ZKSCAN3: variants seen among roughly 807,000 people sequenced by gnomAD.
ZKSCAN3 encodes zinc finger protein with KRAB and SCAN domains 3.
A neutral mutation model predicts 30.7 loss-of-function variants in ZKSCAN3; 21 were observed. The ratio of observed to expected loss-of-function variants is 0.68; its 90% CI spans 0.49 to 0.99. The LOEUF (loss-of-function observed/expected upper bound fraction) is 0.99, where lower values mean the gene tolerates loss of function less well. Among genes scored for constraint, ZKSCAN3 ranks in the 50% least tolerant of loss-of-function variants. The probability of loss-of-function intolerance (pLI) is 0.00; values close to 1 mark genes in which losing one functional copy is unlikely to be tolerated. For missense variants in ZKSCAN3, 507 were observed against 647.1 expected (o/e 0.78, Z 2.35); for synonymous variants, 201 against 246.7 (o/e 0.81, Z 1.73).
intron 1 of ZKSCAN3, among the ~76,000 whole-genome samples, chr6:28,353,161 G>T (rs1765172721): frequency 1.3e-5 from 2 of 151,940 alleles, no homozygotes; most frequent in African/African-American, 4.8e-5. Context: ...TAGAGACGGG[G>T]TTTCACCATG....
In ZKSCAN3 at chr6:28,366,360, A is replaced by G; in HGVS notation, c.*75A>G. Reference sequence around the variant, plus strand: ...CCACTCCCCCTGGAGTCTCAACTATAGAAATTGTGGGCTGGGCTTTATTTA... The same window carrying G: ...CCACTCCCCCTGGAGTCTCAACTATGGAAATTGTGGGCTGGGCTTTATTTA... On this transcript the variant is annotated 3_prime_UTR_variant, in exon 6 of 6. Coordinates refer to ENST00000252211, the MANE Select transcript of ZKSCAN3 (RefSeq NM_024493.4). 1 of 1,442,106 alleles carries G rather than the reference A, an allele frequency of 6.9e-7. No homozygotes were observed. Among genetic ancestry groups the G allele is most frequent in the Non-Finnish European group, 9.1e-7 (1 of 1,094,000 alleles). The allele number at this position is 1,442,106 out of a possible 1,614,324, so 89.3% of individuals were successfully genotyped here.
intron 4 of ZKSCAN3, 137 bp downstream of exon 4, chr6:28,363,522 A>T: frequency 7.9e-7 from 1 of 1,273,450 alleles, no homozygotes; most frequent in South Asian, 1.4e-5. Flanking sequence ...GCATTTTCTC[A>T]TCTATCTCGA....
intron 5 of ZKSCAN3, 100 bp from the exon 6 acceptor site, chr6:28,365,326 A>G (rs1226230201): frequency 6.8e-7 from 1 of 1,469,612 alleles, no homozygotes; most frequent in Non-Finnish European, 9.2e-7. Context: ...TCCTCATCCC[A>G]GGCATTTATA....
chr6:28,365,509 C>T lies in ZKSCAN3; in HGVS notation c.841C>T (p.Leu281=), dbSNP rs1206429292. Residue 281 remains leucine, a synonymous_variant, in exon 6 of 6, where the codon CTG becomes TTG. Coordinates refer to ENST00000252211, the MANE Select transcript of ZKSCAN3 (RefSeq NM_024493.4). Reference sequence around the variant, plus strand: ...GGAGCATGGGAAGATATCGTGCCACCTGAGAGAAGACATTGCCCAGATTCC... The same window carrying T: ...GGAGCATGGGAAGATATCGTGCCACTTGAGAGAAGACATTGCCCAGATTCC... ...EKEHGKISCH[L]REDIAQIPTC... The T allele has an allele frequency of 6.2e-7, 1 of 1,614,240 alleles. No individual in the cohort carries two copies. Among genetic ancestry groups the T allele is most frequent in the South Asian group, 1.1e-5 (1 of 91,084 alleles).
At chr6:28,353,843 A>G (rs1161019132) in intron 1 of ZKSCAN3, 4 of 457,066 alleles carry the variant, frequency 8.8e-6, no homozygotes, top group Non-Finnish European at 1.8e-5. Context: ...CTATTAGCCA[A>G]CATGTATATG....
Position 28,361,341 on chromosome 6 carries a change from G to A in ZKSCAN3, c.420G>A (p.Gln140=), listed in dbSNP as rs772623145. 1.2e-6 allele frequency: 2 copies of A among 1,612,550 alleles called. No individual in the cohort carries two copies. Among genetic ancestry groups the A allele is most frequent in the East Asian group, 4.5e-5 (2 of 44,864 alleles). ...ATTTCTAGGTTTCAGGTGTTGACCA[G>A]GGGCAAGAACTGCTCTGTTGCAAGA... is the stretch of plus-strand genomic sequence containing the variant. ...EPAPQVSGVD[Q]GQELLCCKMA... is the part of the protein sequence containing the mutation. Residue 140 remains glutamine (Q), a synonymous_variant, in exon 3 of 6, where the codon CAG becomes CAA. Transcript: ENST00000252211.
At position 28,363,704 on chromosome 6, in the gene ZKSCAN3, G is replaced by A. The variant is rs1267520316; in HGVS notation, c.646G>A (p.Val216Met). Reference protein sequence around the residue: ...LTPESQGLLKVEDVALTLTPE... With the variant: ...LTPESQGLLKMEDVALTLTPE... Reference sequence around the variant, plus strand: ...CCTATTGTTTTAGGGGTTGTTGAAAGTGGAAGATGTGGCCCTGACCCTCAC... The same window carrying A: ...CCTATTGTTTTAGGGGTTGTTGAAAATGGAAGATGTGGCCCTGACCCTCAC... Residue 216 changes from valine (V) to methionine (M), a missense_variant, in exon 5 of 6, where the codon GTG becomes ATG. By Grantham distance (21) the Val-to-Met change is conservative. Transcript: ENST00000252211. 1.2e-6 allele frequency: 2 copies of A among 1,613,980 alleles called. No homozygotes were observed. The highest frequency in any genetic ancestry group is 2.7e-5 in the African/African-American group (2 of 74,928).
At chr6:28,360,152 T>A in intron 2 of ZKSCAN3, 164 bp downstream of exon 2, 1 of 1,290,846 alleles carries the variant, frequency 7.7e-7, no homozygotes, top group Non-Finnish European at 1.1e-6. Flanking sequence ...CTTCTCAGAA[T>A]AATTTTTTTT....
Position 28,366,253 on chromosome 6 carries a change from A to G in ZKSCAN3, c.1585A>G (p.Ser529Gly). The G allele has an allele frequency of 6.5e-7, 1 of 1,542,966 alleles. No homozygotes were observed. The highest frequency in any genetic ancestry group is 8.7e-7 in the Non-Finnish European group (1 of 1,150,038). ...RISYLVQHQR[S>G]HVGKNILSQ ...TTCATACCTTGTTCAACATCAGAGA[A>G]GCCATGTAGGGAAAAACATCCTATC... The change falls in exon 6 of 6, where the codon AGC (serine) becomes GGC (glycine). Residue 529 changes from serine to glycine, a missense_variant. Physicochemically the swap from Ser to Gly is moderately conservative, Grantham distance 56. Transcript: ENST00000252211.
At position 28,366,027 on chromosome 6, in the gene ZKSCAN3, T is replaced by C; in HGVS notation, c.1359T>C (p.Asn453=). The change falls in exon 6 of 6, where the codon AAT becomes AAC. Residue 453 remains asparagine (N), a synonymous_variant. Transcript: ENST00000252211. ...AGAGGATCCATACTGGGGATAAAAA[T>C]GTTCAGGAACCTGAGCAGGGAGAGG... ...RHQRIHTGDK[N]VQEPEQGEAW... The C allele has an allele frequency of 1.9e-6, 3 of 1,612,516 alleles. No individual in the cohort carries two copies. Among genetic ancestry groups the C allele is most frequent in the Middle Eastern group, 3.3e-4 (2 of 6,034 alleles).
chr6:28,364,364 G>A (rs13214023), intron 5 of ZKSCAN3, among the ~76,000 whole-genome samples: 7,691 of 152,240 alleles, frequency 0.051, 316 homozygotes, highest in Non-Finnish European at 0.088. Context: ...ATACAACCCC[G>A]AGTACAGGTC....
At chr6:28,357,425 C>T (rs1483185342) in intron 1 of ZKSCAN3, among the ~76,000 whole-genome samples, 1 of 152,164 alleles carries the variant, frequency 6.6e-6, no homozygotes, top group East Asian at 1.9e-4. Context: ...AACACTTAAC[C>T]AGATTATGAT....
intron 4 of ZKSCAN3, 88 bp downstream of exon 4, chr6:28,363,473 CCA>C: frequency 7.3e-7 from 1 of 1,376,748 alleles, no homozygotes; most frequent in Non-Finnish European, 1.0e-6. Context: ...CCCCTCCACC[CCA>C]ATCCTAGATC....
intron 3 of ZKSCAN3, among the ~76,000 whole-genome samples, chr6:28,362,633 T>TTATATAAGGAA (rs972174095): frequency 3.3e-5 from 5 of 152,128 alleles, no homozygotes; most frequent in African/African-American, 1.2e-4. Context: ...CTTCCTGAAG[T>TTATATAAGGAA]TATATAAGGA....
At chr6:28,361,836 C>T (rs1201653863) in intron 3 of ZKSCAN3, among the ~76,000 whole-genome samples, 1 of 151,738 alleles carries the variant, frequency 6.6e-6, no homozygotes, top group African/African-American at 2.4e-5. Flanking sequence ...CAAGCAGCCT[C>T]CACTTCCTGG....
intron 5 of ZKSCAN3, among the ~76,000 whole-genome samples, chr6:28,365,027 A>G (rs1233640970): frequency 6.6e-6 from 1 of 152,044 alleles, no homozygotes; most frequent in South Asian, 2.1e-4. Flanking sequence ...ATCCTTCCAC[A>G]TGCTCCATTT....
intron 3 of ZKSCAN3, among the ~76,000 whole-genome samples, chr6:28,362,556 C>T (rs973568417): frequency 6.6e-6 from 1 of 152,088 alleles, no homozygotes; most frequent in Non-Finnish European, 1.5e-5. Context: ...CCTAAACCAC[C>T]TGTTTTGTGC....
intron 1 of ZKSCAN3, chr6:28,355,482 C>G (rs1053437862): frequency 5.9e-5 from 9 of 152,232 alleles, no homozygotes; most frequent in African/African-American, 2.2e-4. Flanking sequence ...TACTGGCATT[C>G]TAAAGAGCTC....
intron 3 of ZKSCAN3, among the ~76,000 whole-genome samples, chr6:28,361,954 C>T (rs9461455): frequency 0.36 from 54,364 of 151,898 alleles, 10,661 homozygotes; most frequent in African/African-American, 0.52. Flanking sequence ...TGCACCACCA[C>T]GCCTGGCTAG....
Sources: gnomAD v4.1 joint callset for allele counts (sites outside exome capture counted in the v4.1 genomes callset) on GRCh38, gnomAD v4.1.1 for gene constraint, MANE v1.5 for transcripts, NCBI Gene and HGNC (gene_info 2026-07-23, HGNC 2026-07-21) for gene names.